Variants in TAFA2 observed in about 807,000 individuals in gnomAD.
The protein encoded by TAFA2 is TAFA chemokine like family member 2.
A neutral mutation model predicts 18.8 loss-of-function variants in TAFA2; 7 were observed. The observed-to-expected ratio is 0.37, with a 90% CI of 0.21 to 0.70. The LOEUF (loss-of-function observed/expected upper bound fraction) is 0.70, where lower values mean the gene tolerates loss of function less well. Ranked by LOEUF, TAFA2 falls within the 30% of genes least tolerant of loss-of-function variation. The pLI, the probability that TAFA2 is intolerant of heterozygous loss-of-function variation, is 0.53. For missense variants in TAFA2, 122 were observed against 158.1 expected (o/e 0.77, Z 1.23); for synonymous variants, 60 against 54.2 (o/e 1.11, Z -0.47).
At chr12:61,738,306 C>CAG (rs1868341382) in intron 4 of TAFA2, among the ~76,000 whole-genome samples, 1 of 146,004 alleles carries the variant, frequency 6.8e-6, no homozygotes, top group East Asian at 2.0e-4. Context: ...CACACACACA[C>CAG]ACACACACAC....
At chr12:61,713,894 C>T (rs1278767894) in intron 4 of TAFA2, among the ~76,000 whole-genome samples, 2 of 152,090 alleles carry the variant, frequency 1.3e-5, no homozygotes, top group Non-Finnish European at 2.9e-5. Context: ...AATATTTATA[C>T]AATCCAACAT....
rs566705074 is a variant in TAFA2, at chr12:62,198,562, G to C, written c.-130+60201C>G. On this transcript the variant is annotated intron_variant, in intron 1 of 5. Coordinates refer to the TAFA2 transcript ENST00000551619. ...CCCAGTTCATAGTTCTTAGCTTGTA[G>C]GATTGCTACCTACAAGCCATTCATC... Among the ~76,000 whole-genome samples, 36 of 152,100 alleles carry C rather than the reference G, an allele frequency of 2.4e-4. No homozygotes were observed. In the South Asian group the frequency reaches 3.3e-3, roughly 14 times the overall value.
At chr12:62,135,018 C>T (rs1315721443) in intron 1 of TAFA2, among the ~76,000 whole-genome samples, 2 of 151,904 alleles carry the variant, frequency 1.3e-5, no homozygotes, top group African/African-American at 4.8e-5. Flanking sequence ...TTCTCTGACC[C>T]CAAATACTAA....
At position 61,871,237 on chromosome 12, in the gene TAFA2, G is replaced by A. The variant is rs1008827880; in HGVS notation, c.-1-3811C>T. ...TTTGAACAAAGTGAAACATAATAGA[G>A]TGATCAAGGATTTTTGACAAAGGGG... On this transcript the variant is annotated intron_variant, in intron 1 of 4. Transcript: ENST00000416284. Among the ~76,000 whole-genome samples, 3 of 152,126 alleles carry A rather than the reference G, an allele frequency of 2.0e-5. No individual in the cohort carries two copies. The East Asian group carries it at 5.8e-4, about 29-fold the overall frequency.
intron 2 of TAFA2, among the ~76,000 whole-genome samples, chr12:61,816,003 C>T (rs1158289636): frequency 1.3e-5 from 2 of 151,122 alleles, no homozygotes; most frequent in African/African-American, 2.5e-5. Flanking sequence ...TGGTGTGGGT[C>T]TCAGAGCTAT....
rs187127664 is a variant in TAFA2, at chr12:61,741,610, C to T, written c.384+12012G>A. Among the ~76,000 whole-genome samples the T allele has an allele frequency of 2.0e-3, 300 of 152,094 alleles. 1 individual carries two copies. Among genetic ancestry groups the T allele is most frequent in the Middle Eastern group, 0.01 (3 of 294 alleles). On this transcript the variant is annotated intron_variant, in intron 4 of 4. Transcript: ENST00000416284. ...CATTGAGTGTTAGAAGAGTTATGGGCCATGCAATATTAAACTGCCAATGTG... is the reference window on the plus strand; with the variant it reads ...CATTGAGTGTTAGAAGAGTTATGGGTCATGCAATATTAAACTGCCAATGTG...
chr12:61,867,602 G>T (rs1372233688), intron 1 of TAFA2, among the ~76,000 whole-genome samples, 176 bp from the exon 2 acceptor site: 1 of 151,968 alleles, frequency 6.6e-6, no homozygotes, highest in African/African-American at 2.4e-5. Flanking sequence ...AGAAAATAAA[G>T]GTTTTCCAAA....
At chr12:62,142,658 C>T (rs999818578) in intron 1 of TAFA2, among the ~76,000 whole-genome samples, 1 of 152,128 alleles carries the variant, frequency 6.6e-6, no homozygotes, top group Non-Finnish European at 1.5e-5. Flanking sequence ...AATGCCTCTG[C>T]TTTATCTCAA....
chr12:62,081,251 G>T (rs1868318810), intron 1 of TAFA2, among the ~76,000 whole-genome samples: 2 of 151,964 alleles, frequency 1.3e-5, no homozygotes, highest in South Asian at 2.1e-4. Flanking sequence ...GAAAATATTT[G>T]CAATTATTTA....
chr12:61,885,461 C>G (rs1043989283), intron 1 of TAFA2, among the ~76,000 whole-genome samples: 3 of 152,148 alleles, frequency 2.0e-5, no homozygotes, highest in African/African-American at 7.2e-5. Flanking sequence ...TCACAGAACC[C>G]TTGACACCAT....
chr12:62,126,168 A>G (rs926749583), intron 1 of TAFA2, among the ~76,000 whole-genome samples: 1 of 152,224 alleles, frequency 6.6e-6, no homozygotes, highest in African/African-American at 2.4e-5. Context: ...TTTTATAAAC[A>G]TACATTGATT....
chr12:62,106,150 T>C (rs953886609), intron 1 of TAFA2, among the ~76,000 whole-genome samples: 8 of 151,472 alleles, frequency 5.3e-5, no homozygotes, highest in African/African-American at 1.7e-4. Context: ...CTGGCCAACA[T>C]GGTGAAACCC....
intron 2 of TAFA2, among the ~76,000 whole-genome samples, chr12:61,791,170 G>A (rs1158471184): frequency 6.6e-6 from 1 of 151,796 alleles, no homozygotes; most frequent in Non-Finnish European, 1.5e-5. Flanking sequence ...GAATGAAACT[G>A]GACATGTATC....
At chr12:61,836,756 T>TACACACAC (rs58707678) in intron 2 of TAFA2, among the ~76,000 whole-genome samples, 3 of 119,840 alleles carry the variant, frequency 2.5e-5, no homozygotes, top group African/African-American at 8.3e-5. Flanking sequence ...TATATATATA[T>TACACACAC]ACACACACAC....
chr12:61,853,241 AC>A (rs1398267121), intron 2 of TAFA2, among the ~76,000 whole-genome samples: 3 of 152,214 alleles, frequency 2.0e-5, no homozygotes, highest in Non-Finnish European at 4.4e-5. Context: ...AATAAAGTTT[AC>A]AAAGCATCTG....
At chr12:61,964,513 T>C (rs1473902171) in intron 1 of TAFA2, among the ~76,000 whole-genome samples, 1 of 151,732 alleles carries the variant, frequency 6.6e-6, no homozygotes, top group Non-Finnish European at 1.5e-5. Context: ...ATCCACCTTA[T>C]ACCAAATGAC....
intron 2 of TAFA2, among the ~76,000 whole-genome samples, chr12:61,790,661 G>T (rs892582695): frequency 3.3e-5 from 5 of 151,704 alleles, no homozygotes; most frequent in African/African-American, 1.2e-4. Flanking sequence ...TAACCAAGGA[G>T]GTGAAAGATC....
chr12:62,186,296 G>A (rs1227709528), intron 1 of TAFA2, among the ~76,000 whole-genome samples: 1 of 152,122 alleles, frequency 6.6e-6, no homozygotes, highest in East Asian at 1.9e-4. Flanking sequence ...CAATTATGCA[G>A]TGACTAGTTT....
intron 2 of TAFA2, among the ~76,000 whole-genome samples, chr12:61,761,043 T>G (rs569282264): frequency 1.4e-4 from 21 of 152,042 alleles, no homozygotes; most frequent in Admixed American, 9.9e-4. Flanking sequence ...CTTCCAAGGT[T>G]ATGGCCCTTA....
Sources: gnomAD v4.1 joint callset for allele counts (sites outside exome capture counted in the v4.1 genomes callset) on GRCh38, gnomAD v4.1.1 for gene constraint, MANE v1.5 for transcripts, NCBI Gene and HGNC (gene_info 2026-07-23, HGNC 2026-07-21) for gene names.